The following NDUFA8 variants were observed in gnomAD, a reference collection of about 807,000 sequenced individuals.
NDUFA8 encodes the protein NADH dehydrogenase [ubiquinone] 1 alpha subcomplex subunit 8.
A neutral mutation model predicts 20.9 loss-of-function variants in NDUFA8; 16 were observed. That is an observed-to-expected ratio of 0.77 (90% confidence interval 0.52 to 1.16). The LOEUF is 1.16. Ranked by LOEUF, NDUFA8 falls within the 50% of genes most tolerant of loss-of-function variation. The pLI is 0.00. For synonymous variants in NDUFA8, 70 were observed against 76.1 expected, an observed-to-expected ratio of 0.92 and a Z score of 0.41; for missense variants, 202 against 216.4, an observed-to-expected ratio of 0.93 and a Z score of 0.42.
chr9:122,156,940 G>C (rs931124169), intron 1 of NDUFA8, among the ~76,000 whole-genome samples: 2 of 152,080 alleles, frequency 1.3e-5, no homozygotes, highest in African/African-American at 4.8e-5. Flanking sequence ...TCTTCACACA[G>C]CTGCTACCGT....
chr9:122,136,247 A>G, the NDUFA8 span, among the ~76,000 whole-genome samples: 1 of 152,200 alleles, frequency 6.6e-6, no homozygotes, highest in Non-Finnish European at 1.5e-5. Context: ...CTTCTGTGGT[A>G]TGAATGTTTA....
intron 3 of NDUFA8, 125 bp from the exon 4 acceptor site, chr9:122,144,503 C>A: frequency 2.2e-6 from 2 of 897,658 alleles, no homozygotes; most frequent in Non-Finnish European, 1.9e-6. Context: ...GACTTAAATT[C>A]CCAGCAAATC....
At chr9:122,159,519 G>T in intron 1 of NDUFA8, 108 bp downstream of exon 1, 1 of 1,380,790 alleles carries the variant, frequency 7.2e-7, no homozygotes. Flanking sequence ...TGGAGGACTG[G>T]GGAGGGGGGC....
downstream of NDUFA8, among the ~76,000 whole-genome samples, chr9:122,140,704 A>G (rs147311249): frequency 1.3e-3 from 193 of 152,374 alleles, 2 homozygotes; most frequent in African/African-American, 4.4e-3. Context: ...ATACAGTCTT[A>G]TAACAATGCT....
At chr9:122,148,952 T>C (rs1537005) in intron 2 of NDUFA8, among the ~76,000 whole-genome samples, 48,387 of 152,062 alleles carry the variant, frequency 0.32, 11,449 homozygotes, top group African/African-American at 0.67. Flanking sequence ...ATTTAACTTC[T>C]GTGTATAAAA....
downstream of NDUFA8, among the ~76,000 whole-genome samples, chr9:122,139,656 T>C (rs964349734): frequency 3.9e-5 from 6 of 152,214 alleles, no homozygotes; most frequent in Non-Finnish European, 8.8e-5. Flanking sequence ...ATAGTACTTA[T>C]TACAGCGCCT....
intron 2 of NDUFA8, 25 bp downstream of exon 2, chr9:122,152,220 A>T (rs764692366): frequency 6.2e-7 from 1 of 1,613,974 alleles, no homozygotes; most frequent in African/African-American, 1.3e-5. Flanking sequence ...TCAACCAAGT[A>T]GGCACTGATA....
the NDUFA8 span, among the ~76,000 whole-genome samples, chr9:122,135,304 CTGT>C: frequency 6.6e-6 from 1 of 152,236 alleles, no homozygotes; most frequent in Non-Finnish European, 1.5e-5. Context: ...AAGGGCAGCA[CTGT>C]TGTTATTCTC....
chr9:122,134,889 G>A, the NDUFA8 span, among the ~76,000 whole-genome samples: 1 of 152,200 alleles, frequency 6.6e-6, no homozygotes, highest in South Asian at 2.1e-4. Flanking sequence ...CCCTCACCCG[G>A]CACGAGAGGG....
chr9:122,134,642 T>C, the NDUFA8 span, among the ~76,000 whole-genome samples: 8 of 152,124 alleles, frequency 5.3e-5, no homozygotes, highest in South Asian at 8.3e-4. Context: ...CTGCACAACT[T>C]TTAATATTGA....
chr9:122,157,565 T>C (rs1829092383), intron 1 of NDUFA8, among the ~76,000 whole-genome samples: 2 of 152,034 alleles, frequency 1.3e-5, no homozygotes, highest in Admixed American at 6.6e-5. Context: ...GTATTTCAGA[T>C]ACATCAGTTG....
chr9:122,147,988 T>C (rs1181668434), intron 3 of NDUFA8, 124 bp downstream of exon 3: 10 of 1,173,180 alleles, frequency 8.5e-6, no homozygotes, highest in Non-Finnish European at 1.3e-5. Context: ...CTAATTAATA[T>C]GTTTGGTAAA....
the NDUFA8 span, among the ~76,000 whole-genome samples, chr9:122,137,656 C>T: frequency 6.6e-6 from 1 of 152,216 alleles, no homozygotes; most frequent in Non-Finnish European, 1.5e-5. Flanking sequence ...ATGCTCTTCT[C>T]ATTTTAATGA....
chr9:122,152,275 A>T lies in NDUFA8; in HGVS notation c.185T>A (p.Leu62Gln). 1 of 1,614,232 alleles carries T rather than the reference A, an allele frequency of 6.2e-7. No homozygotes were observed. Among genetic ancestry groups the T allele is most frequent in the Non-Finnish European group, 8.5e-7 (1 of 1,180,036 alleles). Residue 62 changes from leucine to glutamine, a missense_variant, in exon 2 of 4, where the codon CTG (leucine) becomes CAG (glutamine). Leu to Gln is a moderately radical substitution (Grantham distance 113). Transcript: ENST00000373768. ...DPRRCLEEGK[L>Q]VNKCALDFFR... Reference sequence around the variant, plus strand: ...GAAGTCCAAAGCACACTTGTTGACCAGTTTGCCTTCCTCTAAACACCGCCT... The same window carrying T: ...GAAGTCCAAAGCACACTTGTTGACCTGTTTGCCTTCCTCTAAACACCGCCT...
At chr9:122,159,124 A>C (rs1829132223) in intron 1 of NDUFA8, among the ~76,000 whole-genome samples, 1 of 152,128 alleles carries the variant, frequency 6.6e-6, no homozygotes, top group Non-Finnish European at 1.5e-5. Flanking sequence ...GGGTCCTGTT[A>C]CCAAACACCT....
rs200589240 is a variant in NDUFA8 at position 122,144,396 on chromosome 9, G to C, written c.382-18C>G. ...TTGGTGACCTGGGAAGGGTGAAGAGGGCAAAAGCAAAGTTGAAAGCTAGGG... is the reference window on the plus strand; with the variant it reads ...TTGGTGACCTGGGAAGGGTGAAGAGCGCAAAAGCAAAGTTGAAAGCTAGGG... On this transcript the variant is annotated intron_variant, in intron 3 of 3. Coordinates refer to ENST00000373768, the MANE Select transcript of NDUFA8 (RefSeq NM_014222.3). 6.8e-6 allele frequency: 11 copies of C among 1,612,236 alleles called. No homozygotes were observed. Among genetic ancestry groups the C allele is most frequent in the Middle Eastern group, 3.3e-4 (2 of 6,058 alleles).
At chr9:122,143,131 C>G (rs1279896997), downstream of NDUFA8, among the ~76,000 whole-genome samples, 1 of 152,096 alleles carries the variant, frequency 6.6e-6, no homozygotes, top group African/African-American at 2.4e-5. Flanking sequence ...GACCCTGCAC[C>G]TCATCTGCCT....
chr9:122,138,145 G>A, the NDUFA8 span, among the ~76,000 whole-genome samples: 1 of 152,192 alleles, frequency 6.6e-6, no homozygotes, highest in Admixed American at 6.5e-5. Context: ...GAAAGGAACA[G>A]TATTATCATT....
downstream of NDUFA8, among the ~76,000 whole-genome samples, chr9:122,139,160 C>G (rs1322057428): frequency 6.6e-6 from 1 of 152,226 alleles, no homozygotes; most frequent in Non-Finnish European, 1.5e-5. Context: ...AGTTTCCTCT[C>G]TGTTCCTGAA....
Sources: allele counts gnomAD v4.1 joint callset (sites outside exome capture counted in the v4.1 genomes callset), GRCh38; gene constraint gnomAD v4.1.1; transcripts MANE v1.5; gene names NCBI Gene and HGNC (gene_info 2026-07-23, HGNC 2026-07-21).